The following ACAT1 variants were observed in gnomAD, a reference collection of about 807,000 sequenced individuals.
ACAT1 encodes acetyl-CoA acetyltransferase 1, also known as acetyl-CoA acetyltransferase, mitochondrial.
In ACAT1, 28 loss-of-function variants were observed where a neutral mutation model predicts 47.3. The observed-to-expected ratio is 0.59, with a 90% CI of 0.44 to 0.81. ACAT1 has a LOEUF of 0.81. Ranked by LOEUF, ACAT1 falls within the 30% of genes least tolerant of loss-of-function variation. The pLI is 0.00. For missense variants in ACAT1, 469 were observed against 524.3 expected (o/e 0.89, Z 1.03); for synonymous variants, 181 against 173.6 (o/e 1.04, Z -0.34).
chr11:108,139,299 AGACATGAGTG>A (rs1489341029), intron 6 of ACAT1: 2 of 458,870 alleles, frequency 4.4e-6, no homozygotes, highest in Non-Finnish European at 8.0e-6. Flanking sequence ...TGTGAAGATA[AGACATGAGTG>A]GCTGGGTGCG....
At chr11:108,125,917 C>T (rs2077238682) in intron 1 of ACAT1, among the ~76,000 whole-genome samples, 1 of 146,734 alleles carries the variant, frequency 6.8e-6, no homozygotes, top group Non-Finnish European at 1.5e-5. Context: ...CAAAGTGAGA[C>T]TCCGTCTAAA....
At chr11:108,126,105 C>A (rs940754275) in intron 1 of ACAT1, among the ~76,000 whole-genome samples, 3 of 152,220 alleles carry the variant, frequency 2.0e-5, no homozygotes, top group South Asian at 4.1e-4. Context: ...TGGATTCAAG[C>A]GATTCTCCCA....
Position 108,142,499 on chromosome 11 carries a change from A to G in ACAT1, c.889A>G (p.Thr297Ala). 6.2e-7 allele frequency: 1 copy of G among 1,614,188 alleles called. No individual in the cohort carries two copies. The highest frequency in any genetic ancestry group is 8.5e-7 in the Non-Finnish European group (1 of 1,180,034). ...TGGAGCAGCTGCTCTGGTTCTCATG[A>G]CGGCAGATGCAGCGAAGAGGCTCAA... ...NDGAAALVLM[T>A]ADAAKRLNVT... Residue 297 changes from threonine (T) to alanine (A), a missense_variant, in exon 9 of 12, where the codon ACG becomes GCG. Physicochemically the swap from Thr to Ala is moderately conservative, Grantham distance 58. Transcript: ENST00000265838.
chr11:108,145,102 C>T (rs1382065585), intron 10 of ACAT1, among the ~76,000 whole-genome samples: 1 of 152,066 alleles, frequency 6.6e-6, no homozygotes, highest in Non-Finnish European at 1.5e-5. Flanking sequence ...AGGGCACTCA[C>T]TAGTAATGTT....
At chr11:108,118,720 C>T (rs575245122), upstream of ACAT1, among the ~76,000 whole-genome samples, 4 of 152,312 alleles carry the variant, frequency 2.6e-5, no homozygotes, top group East Asian at 7.7e-4. Context: ...GCCTGGTGCT[C>T]ATATTGGTGA....
chr11:108,144,272 A>G, intron 10 of ACAT1: 1 of 572,040 alleles, frequency 1.7e-6, no homozygotes, highest in East Asian at 3.0e-5. Flanking sequence ...TAGAACAGGT[A>G]AAACTACACA....
Position 108,131,892 on chromosome 11 carries a change from A to G in ACAT1, c.73-15A>G. 1 of 1,204,302 alleles carries G rather than the reference A, an allele frequency of 8.3e-7. No individual in the cohort carries two copies. Among genetic ancestry groups the G allele is most frequent in the East Asian group, 2.4e-5 (1 of 40,858 alleles). 74.6% of individuals were successfully genotyped at this position (1,204,302 alleles called of 1,614,324 possible). ...TATTTTTTACATTATAACATTATAA[A>G]TATTTATATTACAGGAAATAAGATA... is the stretch of plus-strand genomic sequence containing the variant. On this transcript the variant is annotated splice_polypyrimidine_tract_variant and intron_variant, in intron 1 of 11. Transcript: ENST00000265838.
At chr11:108,130,292 C>T (rs535333901) in intron 1 of ACAT1, among the ~76,000 whole-genome samples, 224 of 152,220 alleles carry the variant, frequency 1.5e-3, no homozygotes, top group Non-Finnish European at 2.3e-3. Flanking sequence ...CTTGTAAGTA[C>T]TTAGGGTTGT....
chr11:108,132,599 A>C (rs1204460543), intron 2 of ACAT1, among the ~76,000 whole-genome samples: 1 of 152,070 alleles, frequency 6.6e-6, no homozygotes, highest in Non-Finnish European at 1.5e-5. Context: ...TCACACCTGT[A>C]ATCCCAGCAC....
upstream of ACAT1, chr11:108,121,363 G>A: frequency 1.7e-6 from 1 of 582,544 alleles, no homozygotes; most frequent in Non-Finnish European, 3.1e-6. Flanking sequence ...TCAGGTGCTC[G>A]TTGACCCCAG....
intron 1 of ACAT1, chr11:108,128,090 C>A (rs2077286340): frequency 6.6e-6 from 1 of 152,260 alleles, no homozygotes; most frequent in African/African-American, 2.4e-5. Flanking sequence ...TGAGCCCAGT[C>A]TTGCTGATGT....
At chr11:108,135,268 A>G (rs1406289872) in intron 5 of ACAT1, 26 bp downstream of exon 5, 3 of 1,533,306 alleles carry the variant, frequency 2.0e-6, no homozygotes, top group Non-Finnish European at 9.0e-7. Context: ...CTTCCCATTT[A>G]TTAATCAGAG....
chr11:108,127,590 T>C (rs1279854140), intron 1 of ACAT1, among the ~76,000 whole-genome samples: 3 of 151,956 alleles, frequency 2.0e-5, no homozygotes, highest in African/African-American at 4.8e-5. Flanking sequence ...TTTAAAGCCA[T>C]GGGACTGGAT....
chr11:108,133,158 C>A (rs780731242), intron 2 of ACAT1, among the ~76,000 whole-genome samples: 4 of 152,098 alleles, frequency 2.6e-5, no homozygotes, highest in Non-Finnish European at 5.9e-5. Flanking sequence ...GCACTCCAGC[C>A]TGGGTGACAC....
chr11:108,131,932 A>G lies in ACAT1; in HGVS notation c.98A>G (p.Tyr33Cys). The change falls in exon 2 of 12, where the codon TAT becomes TGT. Residue 33 changes from tyrosine (Y) to cysteine (C), a missense_variant. Tyr to Cys is a radical substitution (Grantham distance 194). Transcript: ENST00000265838. ...GAAATAAGATATGTGGAACGGAGTT[A>G]TGTATCAAAACCCACTTTGAAGGTA... ...VQEIRYVERSYVSKPTLKEVV... is the reference protein window; with the variant it reads ...VQEIRYVERSCVSKPTLKEVV... 6.7e-7 allele frequency: 1 copy of G among 1,498,092 alleles called. No homozygotes were observed. Among genetic ancestry groups the G allele is most frequent in the Non-Finnish European group, 9.2e-7 (1 of 1,081,388 alleles). The allele number at this position is 1,498,092 out of a possible 1,614,324, so 92.8% of individuals were successfully genotyped here.
At chr11:108,146,897 T>C (rs1176194368) in intron 11 of ACAT1, among the ~76,000 whole-genome samples, 1 of 152,204 alleles carries the variant, frequency 6.6e-6, no homozygotes, top group African/African-American at 2.4e-5. Flanking sequence ...CTGGCCAACA[T>C]GGCGAAACCC....
At chr11:108,131,851 A>G in intron 1 of ACAT1, 56 bp from the exon 2 acceptor site, 1 of 826,068 alleles carries the variant, frequency 1.2e-6, no homozygotes, top group Non-Finnish European at 1.8e-6. Context: ...GAGAAATATA[A>G]AATGATATAG....
intron 5 of ACAT1, among the ~76,000 whole-genome samples, chr11:108,137,751 G>A (rs978004270): frequency 1.3e-5 from 2 of 152,004 alleles, no homozygotes; most frequent in African/African-American, 4.8e-5. Flanking sequence ...AGACCGGCCT[G>A]GGTGATATAG....
At chr11:108,119,488 C>T (rs148754887), upstream of ACAT1, among the ~76,000 whole-genome samples, 1,510 of 152,290 alleles carry the variant, frequency 9.9e-3, 26 homozygotes, top group African/African-American at 0.033. Flanking sequence ...CAGGCGTGAG[C>T]GACCACGCCC....
Sources: allele counts gnomAD v4.1 joint callset (sites outside exome capture counted in the v4.1 genomes callset), GRCh38; gene constraint gnomAD v4.1.1; transcripts MANE v1.5; gene names NCBI Gene and HGNC (gene_info 2026-07-23, HGNC 2026-07-21).